TMEM117: variants seen among roughly 807,000 people sequenced by gnomAD.
The protein encoded by TMEM117 is transmembrane protein 117.
Under a neutral mutation model 52.4 loss-of-function variants are expected in TMEM117, and 27 were observed. That is an observed-to-expected ratio of 0.51 (90% confidence interval 0.38 to 0.71). TMEM117 has a LOEUF of 0.71. Among genes scored for constraint, TMEM117 ranks in the 30% least tolerant of loss-of-function variants. TMEM117 has a pLI of 0.00. For missense variants in TMEM117, 556 were observed against 630.5 expected (o/e 0.88, Z 1.26); for synonymous variants, 215 against 206.3 (o/e 1.04, Z -0.36).
intron 3 of TMEM117, among the ~76,000 whole-genome samples, chr12:44,022,764 G>C (rs960031003): frequency 6.6e-6 from 1 of 152,132 alleles, no homozygotes. Flanking sequence ...AATAATTGTT[G>C]TATGTTCCTT....
At chr12:43,824,932 T>TCAAAA in the TMEM117 span, among the ~76,000 whole-genome samples, 130 of 152,254 alleles carry the variant, frequency 8.5e-4, no homozygotes, top group African/African-American at 2.5e-3. Context: ...AGACTCCGTC[T>TCAAAA]CAAAACAAAA....
intron 4 of TMEM117, among the ~76,000 whole-genome samples, chr12:44,166,195 C>T (rs1345856089): frequency 6.6e-6 from 1 of 152,040 alleles, no homozygotes; most frequent in Admixed American, 6.5e-5. Context: ...ACACAACATA[C>T]CAAAACCTAT....
intron 5 of TMEM117, among the ~76,000 whole-genome samples, chr12:44,228,485 G>A (rs1949891646): frequency 6.6e-6 from 1 of 152,146 alleles, no homozygotes; most frequent in South Asian, 2.1e-4. Flanking sequence ...CATTCTGGTG[G>A]AGTTATACAG....
At chr12:44,390,929 T>C (rs958908203), downstream of TMEM117, among the ~76,000 whole-genome samples, 5 of 152,110 alleles carry the variant, frequency 3.3e-5, no homozygotes, top group Admixed American at 6.6e-5. Flanking sequence ...ACTGAGACTC[T>C]ACAGAGATTT....
chr12:43,880,004 G>T (rs566753298), intron 2 of TMEM117, among the ~76,000 whole-genome samples: 58 of 152,274 alleles, frequency 3.8e-4, no homozygotes, highest in Middle Eastern at 3.4e-3. Context: ...CATTTGTAAG[G>T]AATATAAATT....
chr12:44,283,827 C>T (rs561295796), intron 5 of TMEM117, among the ~76,000 whole-genome samples: 144 of 152,270 alleles, frequency 9.5e-4, no homozygotes, highest in African/African-American at 3.2e-3. Context: ...CTACCCAAAT[C>T]TCAACTTGAA....
Position 44,299,293 on chromosome 12 carries a change from G to A in TMEM117, c.609-287G>A, listed in dbSNP as rs888413460. 3.9e-5 allele frequency among the ~76,000 whole-genome samples: 6 copies of A among 152,010 alleles called. No individual in the cohort carries two copies. In the East Asian group the frequency reaches 1.2e-3, roughly 29 times the overall value. ...CTACAGGCGCACACCACTGCGTTTG[G>A]CTAATTTTTTTGTATTTTTAGTAGA... On this transcript the variant is annotated intron_variant, in intron 5 of 7. Transcript: ENST00000266534.
At chr12:44,077,026 C>T (rs767303142) in intron 3 of TMEM117, among the ~76,000 whole-genome samples, 5 of 152,118 alleles carry the variant, frequency 3.3e-5, no homozygotes, top group Non-Finnish European at 5.9e-5. Context: ...TTTGCTTCTA[C>T]CAGCTGGCAA....
At chr12:44,048,171 CTTATAG>C (rs1272179828) in intron 3 of TMEM117, among the ~76,000 whole-genome samples, 1 of 152,074 alleles carries the variant, frequency 6.6e-6, no homozygotes, top group Non-Finnish European at 1.5e-5. Flanking sequence ...ACAGTACACT[CTTATAG>C]TTAGAGATTT....
intron 3 of TMEM117, among the ~76,000 whole-genome samples, chr12:43,966,366 A>G (rs1252917686): frequency 6.6e-6 from 1 of 152,230 alleles, no homozygotes; most frequent in Non-Finnish European, 1.5e-5. Flanking sequence ...ATTACCTAAA[A>G]ATAGGATGGT....
At chr12:44,370,298 C>A (rs956035695) in intron 6 of TMEM117, among the ~76,000 whole-genome samples, 3 of 152,092 alleles carry the variant, frequency 2.0e-5, no homozygotes, top group African/African-American at 7.2e-5. Flanking sequence ...CCTCTGTGAT[C>A]AATGACAAAT....
intron 3 of TMEM117, among the ~76,000 whole-genome samples, chr12:43,984,171 C>T (rs1945807233): frequency 6.6e-6 from 1 of 152,022 alleles, no homozygotes; most frequent in Non-Finnish European, 1.5e-5. Flanking sequence ...AGTTTGAGGC[C>T]AGCCTGGCCA....
intron 5 of TMEM117, among the ~76,000 whole-genome samples, chr12:44,241,217 T>G (rs191775457): frequency 4.2e-4 from 57 of 134,630 alleles, no homozygotes; most frequent in African/African-American, 1.4e-3. Context: ...TTTATTGTGT[T>G]TTTTTTTTAT....
At chr12:44,134,610 C>T (rs1948462927) in intron 3 of TMEM117, among the ~76,000 whole-genome samples, 1 of 152,168 alleles carries the variant, frequency 6.6e-6, no homozygotes, top group Non-Finnish European at 1.5e-5. Context: ...ATCTGTTTAT[C>T]TTCGTTCTAA....
chr12:44,166,412 G>T (rs1948968036), intron 4 of TMEM117, among the ~76,000 whole-genome samples: 2 of 152,118 alleles, frequency 1.3e-5, no homozygotes, highest in Non-Finnish European at 2.9e-5. Context: ...TTGTTGGAGG[G>T]TATTAAAAAT....
chr12:43,801,237 G>A, the TMEM117 span, among the ~76,000 whole-genome samples: 2 of 152,058 alleles, frequency 1.3e-5, no homozygotes, highest in East Asian at 1.9e-4. Flanking sequence ...ACGGCTTACC[G>A]ATGGCACATA....
At chr12:44,109,722 A>G in intron 3 of TMEM117, among the ~76,000 whole-genome samples, 1 of 40,976 alleles carries the variant, frequency 2.4e-5, no homozygotes, top group African/African-American at 2.1e-4. Flanking sequence ...ACTTTAAAGT[A>G]GTTTTTTCCA....
chr12:44,028,188 G>A (rs991718896), intron 3 of TMEM117, among the ~76,000 whole-genome samples: 6 of 152,140 alleles, frequency 3.9e-5, no homozygotes, highest in South Asian at 2.1e-4. Context: ...GCGAGACTCC[G>A]TCTCAAAAAC....
chr12:44,123,871 C>A (rs1309837077), intron 3 of TMEM117, among the ~76,000 whole-genome samples: 1 of 152,046 alleles, frequency 6.6e-6, no homozygotes, highest in Non-Finnish European at 1.5e-5. Flanking sequence ...TTAGGATTGT[C>A]TTGGCTAGTC....
Sources: allele counts gnomAD v4.1 joint callset (sites outside exome capture counted in the v4.1 genomes callset), GRCh38; gene constraint gnomAD v4.1.1; transcripts MANE v1.5; gene names NCBI Gene and HGNC (gene_info 2026-07-23, HGNC 2026-07-21).